The following SLC5A5 variants were observed in gnomAD, a reference collection of about 807,000 sequenced individuals.
The protein encoded by SLC5A5 is solute carrier family 5 member 5.
Under a neutral mutation model 68.6 loss-of-function variants are expected in SLC5A5, and 56 were observed. The ratio of observed to expected loss-of-function variants is 0.82; its 90% CI spans 0.66 to 1.02. The LOEUF is 1.02. Among genes scored for constraint, SLC5A5 ranks in the 50% least tolerant of loss-of-function variants. SLC5A5 has a pLI of 0.00. For missense variants in SLC5A5, 807 were observed against 859.8 expected, an observed-to-expected ratio of 0.94 and a Z score of 0.77; for synonymous variants, 398 against 373.0, an observed-to-expected ratio of 1.07 and a Z score of -0.77.
At chr19:17,892,149 C>T (rs1231733886) in intron 14 of SLC5A5, among the ~76,000 whole-genome samples, 1 of 151,882 alleles carries the variant, frequency 6.6e-6, no homozygotes, top group Non-Finnish European at 1.5e-5. Context: ...CAAAAATTAG[C>T]CGGGCATGGT....
chr19:17,893,097 CTT>C (rs549673164), intron 14 of SLC5A5, among the ~76,000 whole-genome samples: 1 of 70,116 alleles, frequency 1.4e-5, no homozygotes, highest in Admixed American at 1.4e-4. Flanking sequence ...TCTTTTTTGT[CTT>C]TTTTTTTTTT....
At chr19:17,881,225 A>G (rs2094320035) in intron 8 of SLC5A5, among the ~76,000 whole-genome samples, 1 of 151,218 alleles carries the variant, frequency 6.6e-6, no homozygotes, top group Admixed American at 6.6e-5. Flanking sequence ...CTTCCTCCCC[A>G]GACAAATATT....
At chr19:17,889,071 A>G (rs2030049257) in intron 13 of SLC5A5, among the ~76,000 whole-genome samples, 1 of 151,116 alleles carries the variant, frequency 6.6e-6, no homozygotes, top group African/African-American at 2.5e-5. Context: ...ATATACATAA[A>G]AGAAAGTGTA....
At position 17,890,133 on chromosome 19, in the gene SLC5A5, C is replaced by T. The variant is rs141821190; in HGVS notation, c.1652-753C>T. On this transcript the variant is annotated intron_variant, in intron 13 of 14. Coordinates refer to ENST00000222248, the MANE Select transcript of SLC5A5 (RefSeq NM_000453.3). ...TCGCCCAGGCTGGAGTGCAATGGTG[C>T]GATGTTGGCTCACTGCAACCTCTGA... 5.2e-3 allele frequency among the ~76,000 whole-genome samples: 787 copies of T among 152,152 alleles called. 3 individuals are homozygous for T. Among genetic ancestry groups the T allele is most frequent in the Admixed American group, 0.01 (160 of 15,258 alleles).
In SLC5A5 at chr19:17,893,872, C is replaced by G. The variant is rs766539675; in HGVS notation, c.1927C>G (p.Leu643Val). The change falls in exon 15 of 15, where the codon CTC becomes GTC. Residue 643 changes from leucine (L) to valine (V), a missense_variant. Leu to Val is a conservative substitution (Grantham distance 32). Coordinates refer to ENST00000222248, the MANE Select transcript of SLC5A5 (RefSeq NM_000453.3). ...DGGRDQQETN[L>V] ...TGGTCGAGACCAGCAGGAGACAAAC[C>G]TCTGAGGACAGGGCCAGCCGCGGGA... 5 of 1,563,196 alleles carry G rather than the reference C, an allele frequency of 3.2e-6. No homozygotes were observed. The highest frequency in any genetic ancestry group is 1.9e-5 in the Admixed American group (1 of 52,724).
Position 17,872,622 on chromosome 19 carries a change from C to A in SLC5A5, c.303C>A (p.Thr101=). The change falls in exon 1 of 15, where the codon ACC becomes ACA. Residue 101 remains threonine, a synonymous_variant. Coordinates refer to ENST00000222248, the MANE Select transcript of SLC5A5 (RefSeq NM_000453.3). ...CLGQLLNSVL[T]ALLFMPVFYR... is the part of the protein sequence containing the mutation. ...GCCAGCTTCTGAACTCGGTCCTCAC[C>A]GCCCTGCTCTTCATGCCCGTCTTCT... The A allele has an allele frequency of 6.2e-7, 1 of 1,611,738 alleles. No individual in the cohort carries two copies. Among genetic ancestry groups the A allele is most frequent in the South Asian group, 1.1e-5 (1 of 91,066 alleles).
chr19:17,884,171 C>T (rs865925674), intron 12 of SLC5A5, 125 bp downstream of exon 12: 19 of 903,692 alleles, frequency 2.1e-5, no homozygotes, highest in African/African-American at 1.3e-4. Flanking sequence ...GGGGAGGGAA[C>T]GGTAGGTGCA....
chr19:17,880,738 T>C (rs773744265), intron 7 of SLC5A5, 127 bp from the exon 8 acceptor site: 67 of 741,616 alleles, frequency 9.0e-5, no homozygotes, highest in Non-Finnish European at 1.5e-4. Context: ...AAAAACTAAA[T>C]GCATATTAAA....
At chr19:17,874,361 A>C (rs986761176) in intron 2 of SLC5A5, 133 bp from the exon 3 acceptor site, 2 of 854,054 alleles carry the variant, frequency 2.3e-6, no homozygotes, top group South Asian at 1.3e-5. Flanking sequence ...AGCCGGCCTG[A>C]CCCCGCCTGC....
chr19:17,888,587 CCTTATTATTATT>C (rs1168436413), intron 13 of SLC5A5, 132 bp downstream of exon 13: 1 of 572,416 alleles, frequency 1.7e-6, no homozygotes, highest in African/African-American at 2.2e-5. Flanking sequence ...CACATTTGTA[CCTTATTATTATT>C]ATTATTATTA....
chr19:17,883,059 A>G (rs149186103), intron 10 of SLC5A5, among the ~76,000 whole-genome samples: 1 of 151,962 alleles, frequency 6.6e-6, no homozygotes, highest in South Asian at 2.1e-4. Flanking sequence ...ACCTCAAGTG[A>G]TCCACCCGCC....
intron 10 of SLC5A5, 37 bp from the exon 11 acceptor site, chr19:17,883,644 G>A: frequency 6.4e-7 from 1 of 1,557,182 alleles, no homozygotes; most frequent in African/African-American, 1.4e-5. Context: ...CGGTGGGAGG[G>A]CTCCGCCCTC....
Position 17,876,443 on chromosome 19 carries a change from A to AAAAAAT in SLC5A5, c.698+337_698+338insAAAAAT, listed in dbSNP as rs1555752055. Among the ~76,000 whole-genome samples the AAAAAAT allele has an allele frequency of 5.4e-3, 781 of 144,074 alleles. 7 individuals are homozygous for AAAAAAT. Among genetic ancestry groups the AAAAAAT allele is most frequent in the African/African-American group, 0.018 (706 of 38,694 alleles). The allele number at this position is 144,074 out of a possible 152,430, so 94.5% of individuals were successfully genotyped here. A position where few individuals can be genotyped will look rare whatever the true frequency, so the allele number is the denominator to read the frequency against. ...CCCTGTCTCAAAAAAAAAAAAAAAA[A>AAAAAAT]GAGGCTGGGTGCAGTGGTTCATGCC... On this transcript the variant is annotated intron_variant, in intron 5 of 14. Transcript: ENST00000222248.
chr19:17,880,962 C>A lies in SLC5A5; in HGVS notation c.1058+9C>A. 1.2e-6 allele frequency: 2 copies of A among 1,604,388 alleles called. No homozygotes were observed. The highest frequency in any genetic ancestry group is 1.7e-6 in the Non-Finnish European group (2 of 1,171,264). ...TACAGTGGCACCCTCAGGTGAGCAC[C>A]CCTGCTTGTTCATGGAGCATTATTT... On this transcript the variant is annotated intron_variant, in intron 8 of 14. Transcript: ENST00000222248.
intron 13 of SLC5A5, among the ~76,000 whole-genome samples, chr19:17,889,057 A>C (rs1159945184): frequency 5.3e-5 from 8 of 151,716 alleles, no homozygotes; most frequent in Non-Finnish European, 1.5e-5. Context: ...AATTATGACT[A>C]TATATATACA....
chr19:17,890,512 C>T (rs2030125605), intron 13 of SLC5A5, among the ~76,000 whole-genome samples: 1 of 152,164 alleles, frequency 6.6e-6, no homozygotes, highest in Admixed American at 6.6e-5. Context: ...CTGCCTCAGC[C>T]TCCCAAGTAG....
intron 7 of SLC5A5, among the ~76,000 whole-genome samples, chr19:17,878,389 CG>C (rs1223023109): frequency 3.3e-5 from 5 of 151,956 alleles, no homozygotes; most frequent in Admixed American, 3.3e-4. Flanking sequence ...CCTGTAGTCC[CG>C]GCTACTCAGG....
At position 17,874,237 on chromosome 19, in the gene SLC5A5, C is replaced by A. The variant is rs773075706; in HGVS notation, c.423+34C>A. On this transcript the variant is annotated intron_variant, in intron 2 of 14. Coordinates refer to ENST00000222248, the MANE Select transcript of SLC5A5 (RefSeq NM_000453.3). ...CCTCGGCCCCGCCCTCCGCTCAGGG[C>A]CCCGAGAGCGTCAGCCTTCACTAGC... 6 of 1,484,564 alleles carry A rather than the reference C, an allele frequency of 4.0e-6. No individual in the cohort carries two copies. In the African/African-American group the frequency reaches 5.5e-5, roughly 14 times the overall value. 92.0% of individuals were successfully genotyped at this position (1,484,564 alleles called of 1,614,324 possible).
chr19:17,889,192 T>C (rs2030055170), intron 13 of SLC5A5, among the ~76,000 whole-genome samples: 1 of 149,200 alleles, frequency 6.7e-6, no homozygotes, highest in Non-Finnish European at 1.5e-5. Flanking sequence ...AGGTCAGGAG[T>C]TCAAGACCAG....
Sources: allele counts gnomAD v4.1 joint callset (sites outside exome capture counted in the v4.1 genomes callset), GRCh38; gene constraint gnomAD v4.1.1; transcripts MANE v1.5; gene names NCBI Gene and HGNC (gene_info 2026-07-23, HGNC 2026-07-21).